The following LONP2 variants were observed in gnomAD, a reference collection of about 807,000 sequenced individuals.
LONP2 encodes the protein lon protease homolog 2, peroxisomal.
LONP2 carries 60 observed loss-of-function variants against 85.6 expected under a neutral mutation model. The ratio of observed to expected loss-of-function variants is 0.70; its 90% CI spans 0.57 to 0.87. The LOEUF (loss-of-function observed/expected upper bound fraction) is 0.87, where lower values mean the gene tolerates loss of function less well. Ranked by LOEUF, LONP2 falls within the 40% of genes least tolerant of loss-of-function variation. The pLI is 0.00. For missense variants in LONP2, 860 were observed against 1,063.5 expected, an observed-to-expected ratio of 0.81 and a Z score of 2.66; for synonymous variants, 395 against 389.7, an observed-to-expected ratio of 1.01 and a Z score of -0.16.
intron 8 of LONP2, among the ~76,000 whole-genome samples, chr16:48,285,787 A>AT (rs1227598659): frequency 2.6e-5 from 4 of 152,090 alleles, no homozygotes; most frequent in Admixed American, 1.3e-4. Context: ...GTTTTTTTAA[A>AT]TGTTAGTAAA....
intron 12 of LONP2, among the ~76,000 whole-genome samples, chr16:48,346,935 G>A (rs7188503): frequency 0.016 from 2,508 of 152,144 alleles, 73 homozygotes; most frequent in African/African-American, 0.057. Context: ...CAGATCACTT[G>A]AGGTCAGGAG....
chr16:48,295,387 A>G (rs1972647566), intron 8 of LONP2, among the ~76,000 whole-genome samples: 1 of 152,160 alleles, frequency 6.6e-6, no homozygotes, highest in Non-Finnish European at 1.5e-5. Context: ...AAAAAGAGTT[A>G]TTGATGTTTT....
rs1221080121 is a variant in LONP2 at position 48,270,029 on chromosome 16, T to G, written c.996T>G (p.Ile332Met). ...GTTATTTGACAGACCGCCTGGACAT[T>G]AGGGCAGCCCGGATTCTTCTGGATA... ...WNKSTTDRLD[I>M]RAARILLDND... Residue 332 changes from isoleucine (I) to methionine (M), a missense_variant, in exon 7 of 15, where the codon ATT becomes ATG. Coordinates refer to ENST00000285737, the MANE Select transcript of LONP2 (RefSeq NM_031490.5). The G allele has an allele frequency of 1.9e-6, 3 of 1,613,636 alleles. No individual in the cohort carries two copies. The South Asian group carries it at 3.3e-5, about 18-fold the overall frequency.
downstream of LONP2, chr16:48,360,968 A>G (rs549192610): frequency 6.6e-6 from 1 of 152,334 alleles, no homozygotes; most frequent in Non-Finnish European, 1.5e-5. Flanking sequence ...AATATTGAAC[A>G]CGTTATAAAT....
At chr16:48,248,287 A>ATT (rs111725492) in intron 1 of LONP2, among the ~76,000 whole-genome samples, 3 of 116,568 alleles carry the variant, frequency 2.6e-5, no homozygotes, top group Non-Finnish European at 3.7e-5. Flanking sequence ...ATGCCTAGCT[A>ATT]TTTTTTTTTT....
At chr16:48,299,639 A>G in intron 9 of LONP2, 23 bp from the exon 10 acceptor site, 1 of 1,589,492 alleles carries the variant, frequency 6.3e-7, no homozygotes, top group Non-Finnish European at 8.5e-7. Context: ...AATAATTACA[A>G]AACAAGATCT....
chr16:48,288,008 G>A (rs1857646279), intron 8 of LONP2, among the ~76,000 whole-genome samples: 1 of 152,136 alleles, frequency 6.6e-6, no homozygotes, highest in African/African-American at 2.4e-5. Context: ...TTGTTCAGAT[G>A]AAATATATCT....
intron 12 of LONP2, among the ~76,000 whole-genome samples, chr16:48,347,155 A>AAT (rs1200127046): frequency 6.6e-6 from 1 of 152,074 alleles, no homozygotes; most frequent in African/African-American, 2.4e-5. Context: ...ACTGTCTCAA[A>AAT]ATATATATAT....
At chr16:48,344,733 G>T in intron 12 of LONP2, 1 of 152,262 alleles carries the variant, frequency 6.6e-6, no homozygotes, top group South Asian at 2.1e-4. Flanking sequence ...GACCAGCCTG[G>T]GCGACATCGT....
chr16:48,254,941 T>C (rs1971728513), intron 2 of LONP2, among the ~76,000 whole-genome samples: 2 of 152,204 alleles, frequency 1.3e-5, no homozygotes, highest in Admixed American at 1.3e-4. Context: ...AATTTTATTA[T>C]CTACTTCTTC....
At chr16:48,279,025 A>G (rs1324393403) in intron 8 of LONP2, among the ~76,000 whole-genome samples, 2 of 152,058 alleles carry the variant, frequency 1.3e-5, no homozygotes. Context: ...CTTTTATAGT[A>G]TCCTGTTCTT....
chr16:48,338,440 T>C (rs534763224), intron 12 of LONP2, among the ~76,000 whole-genome samples: 43 of 152,254 alleles, frequency 2.8e-4, no homozygotes, highest in African/African-American at 1.0e-3. Flanking sequence ...GACATGCTGA[T>C]GGGAAACATT....
At chr16:48,317,686 A>G (rs1415469966) in intron 11 of LONP2, among the ~76,000 whole-genome samples, 1 of 152,186 alleles carries the variant, frequency 6.6e-6, no homozygotes, top group East Asian at 1.9e-4. Context: ...TTGGCTATCC[A>G]TTTTCCAGTC....
At chr16:48,253,865 TTA>T (rs982016779) in intron 2 of LONP2, among the ~76,000 whole-genome samples, 1 of 152,240 alleles carries the variant, frequency 6.6e-6, no homozygotes, top group African/African-American at 2.4e-5. Context: ...TCATATTCAA[TTA>T]TATGTTTTGT....
intron 11 of LONP2, among the ~76,000 whole-genome samples, chr16:48,308,853 G>C (rs142751931): frequency 5.1e-4 from 78 of 152,108 alleles, no homozygotes; most frequent in African/African-American, 1.9e-3. Flanking sequence ...AAACAACAGA[G>C]TAAACAGACA....
intron 11 of LONP2, among the ~76,000 whole-genome samples, chr16:48,308,962 C>A (rs982673334): frequency 1.1e-4 from 17 of 151,906 alleles, no homozygotes; most frequent in Admixed American, 9.8e-4. Flanking sequence ...AACAAAAGAA[C>A]CCCAAATAAC....
intron 7 of LONP2, among the ~76,000 whole-genome samples, chr16:48,271,355 T>G (rs1972101650): frequency 6.6e-6 from 1 of 152,196 alleles, no homozygotes; most frequent in South Asian, 2.1e-4. Context: ...AATTGTAAGT[T>G]GTGAGAAAAC....
intron 10 of LONP2, among the ~76,000 whole-genome samples, chr16:48,301,031 T>C (rs1174887351): frequency 6.6e-6 from 1 of 152,234 alleles, no homozygotes; most frequent in African/African-American, 2.4e-5. Flanking sequence ...TCTTAAAAGC[T>C]GTGGACATAA....
At chr16:48,265,348 A>G (rs1369541290) in intron 6 of LONP2, among the ~76,000 whole-genome samples, 1 of 152,008 alleles carries the variant, frequency 6.6e-6, no homozygotes, top group African/African-American at 2.4e-5. Context: ...TTACAGTTTC[A>G]GGCCTTACAT....
Sources: gnomAD v4.1 joint callset for allele counts (sites outside exome capture counted in the v4.1 genomes callset) on GRCh38, gnomAD v4.1.1 for gene constraint, MANE v1.5 for transcripts, NCBI Gene and HGNC (gene_info 2026-07-23, HGNC 2026-07-21) for gene names.